ZNF410: variants seen among roughly 807,000 people sequenced by gnomAD.
The protein encoded by ZNF410 is zinc finger protein 410, also known as another partner for ARF 1.
ZNF410 carries 18 observed loss-of-function variants against 54.8 expected under a neutral mutation model. That is an observed-to-expected ratio of 0.33 (90% CI 0.23 to 0.49). The LOEUF is 0.49. Ranked by LOEUF, ZNF410 falls within the 20% of genes least tolerant of loss-of-function variation. The probability of loss-of-function intolerance (pLI) is 0.99; values close to 1 mark genes in which losing one functional copy is unlikely to be tolerated. For synonymous variants in ZNF410, 191 were observed against 207.3 expected, an observed-to-expected ratio of 0.92 and a Z score of 0.68; for missense variants, 405 against 569.6, an observed-to-expected ratio of 0.71 and a Z score of 2.94.
intron 5 of ZNF410, among the ~76,000 whole-genome samples, chr14:73,899,537 A>G (rs1177856092): frequency 1.3e-5 from 2 of 152,180 alleles, no homozygotes; most frequent in East Asian, 3.9e-4. Context: ...TATATGTGCC[A>G]ATCTCCAGAT....
intron 8 of ZNF410, chr14:73,920,104 A>C (rs1182524988): frequency 6.6e-6 from 1 of 152,088 alleles, no homozygotes; most frequent in African/African-American, 2.4e-5. Context: ...TCAAAGGGCA[A>C]GTGCATCTAC....
chr14:73,891,040 G>T (rs924901899), intron 1 of ZNF410, among the ~76,000 whole-genome samples: 2 of 151,534 alleles, frequency 1.3e-5, no homozygotes, highest in Non-Finnish European at 1.5e-5. Flanking sequence ...GAGAACAGCC[G>T]CATCAGGGTC....
chr14:73,929,518 T>G (rs17094043), intron 11 of ZNF410, among the ~76,000 whole-genome samples: 2 of 152,094 alleles, frequency 1.3e-5, no homozygotes, highest in East Asian at 3.9e-4. Flanking sequence ...AAAAATAGCT[T>G]ATCAAGAATA....
At chr14:73,906,725 G>A (rs958020541) in intron 7 of ZNF410, among the ~76,000 whole-genome samples, 2 of 151,576 alleles carry the variant, frequency 1.3e-5, no homozygotes, top group Admixed American at 6.6e-5. Flanking sequence ...GTGATCCGCC[G>A]ACCTTGCCCT....
At chr14:73,901,926 CCT>C (rs1359649070) in intron 5 of ZNF410, among the ~76,000 whole-genome samples, 1 of 147,706 alleles carries the variant, frequency 6.8e-6, no homozygotes, top group African/African-American at 2.5e-5. Flanking sequence ...AAAATGAGAC[CCT>C]GTCTCAAAAA....
intron 5 of ZNF410, among the ~76,000 whole-genome samples, chr14:73,900,744 A>G (rs115583884): frequency 0.23 from 9,883 of 42,996 alleles, 452 homozygotes; most frequent in African/African-American, 0.37. Flanking sequence ...AGCTTGTCCA[A>G]CATACGGCCT....
At chr14:73,929,320 G>C (rs1386327076) in intron 11 of ZNF410, among the ~76,000 whole-genome samples, 1 of 151,686 alleles carries the variant, frequency 6.6e-6, no homozygotes, top group African/African-American at 2.4e-5. Flanking sequence ...CCTCATCCAA[G>C]GTCTAGGTAA....
intron 11 of ZNF410, among the ~76,000 whole-genome samples, chr14:73,928,419 T>A (rs886303254): frequency 6.6e-6 from 1 of 152,028 alleles, no homozygotes; most frequent in Non-Finnish European, 1.5e-5. Context: ...GATAAGCTAG[T>A]CTCTTGAAAG....
intron 8 of ZNF410, among the ~76,000 whole-genome samples, chr14:73,919,886 G>GTTTTTT (rs1158550117): frequency 0.01 from 633 of 62,090 alleles, 2 homozygotes; most frequent in Non-Finnish European, 0.013. Flanking sequence ...TATTGTATAG[G>GTTTTTT]TTTTTTTTTT....
At chr14:73,901,685 C>CT (rs1195501347) in intron 5 of ZNF410, among the ~76,000 whole-genome samples, 1 of 151,710 alleles carries the variant, frequency 6.6e-6, no homozygotes, top group Non-Finnish European at 1.5e-5. Flanking sequence ...AATCCCAGCA[C>CT]TTTGGGTGGC....
At chr14:73,930,799 C>T (rs1472372795) in intron 11 of ZNF410, among the ~76,000 whole-genome samples, 1 of 152,126 alleles carries the variant, frequency 6.6e-6, no homozygotes, top group Non-Finnish European at 1.5e-5. Flanking sequence ...CAGGGCCTCA[C>T]TGTGTTGCCC....
intron 2 of ZNF410, 32 bp from the exon 3 acceptor site, chr14:73,893,765 G>C (rs754276863): frequency 1.9e-6 from 3 of 1,577,824 alleles, no homozygotes; most frequent in Admixed American, 2.0e-5. Context: ...CTAACAACTC[G>C]TATTTCTCAG....
At chr14:73,918,173 C>T (rs772795238) in intron 8 of ZNF410, among the ~76,000 whole-genome samples, 1 of 151,838 alleles carries the variant, frequency 6.6e-6, no homozygotes, top group Non-Finnish European at 1.5e-5. Flanking sequence ...CAGTGGTCCA[C>T]GATCTTGGCT....
At chr14:73,909,609 G>GGT (rs1555353715) in intron 8 of ZNF410, 179 bp downstream of exon 8, 3 of 480,564 alleles carry the variant, frequency 6.2e-6, no homozygotes, top group Non-Finnish European at 7.1e-6. Context: ...ATCAAGGTTG[G>GGT]GGGGGGGACA....
At chr14:73,894,270 A>G (rs2055276278) in intron 3 of ZNF410, 2 of 692,868 alleles carry the variant, frequency 2.9e-6, no homozygotes, top group Admixed American at 2.1e-5. Flanking sequence ...GAGTGGAGGC[A>G]TGAAACCCAG....
intron 3 of ZNF410, chr14:73,894,492 G>C (rs2055281482): frequency 1.5e-6 from 1 of 686,528 alleles, no homozygotes; most frequent in Non-Finnish European, 2.6e-6. Context: ...CGCAATCTTG[G>C]CTCACTGCAA....
At chr14:73,891,395 C>T (rs2140292868) in intron 1 of ZNF410, among the ~76,000 whole-genome samples, 1 of 152,150 alleles carries the variant, frequency 6.6e-6, no homozygotes, top group South Asian at 2.1e-4. Context: ...GCTCTGTCGC[C>T]CAGGCTGGAG....
At chr14:73,923,632 C>A in intron 11 of ZNF410, 110 bp downstream of exon 11, 1 of 1,398,938 alleles carries the variant, frequency 7.1e-7, no homozygotes, top group Non-Finnish European at 9.7e-7. Flanking sequence ...AACTTTGGCA[C>A]GAATATTTTC....
chr14:73,924,561 A>G (rs917159806), intron 11 of ZNF410: 4 of 362,032 alleles, frequency 1.1e-5, no homozygotes, highest in African/African-American at 6.6e-5. Context: ...ATGGGAGTGG[A>G]TGACTTCATC....
Sources: allele counts gnomAD v4.1 joint callset (sites outside exome capture counted in the v4.1 genomes callset), GRCh38; gene constraint gnomAD v4.1.1; transcripts MANE v1.5; gene names NCBI Gene and HGNC (gene_info 2026-07-23, HGNC 2026-07-21).